Variants in SHQ1 observed in about 807,000 individuals in gnomAD.
SHQ1 encodes protein SHQ1 homolog.
In SHQ1, 49 loss-of-function variants were observed where a neutral mutation model predicts 53.8. The ratio of observed to expected loss-of-function variants is 0.91; its 90% confidence interval spans 0.72 to 1.16. The LOEUF is 1.16. Among genes scored for constraint, SHQ1 ranks in the 50% most tolerant of loss-of-function variants. The pLI is 0.00. For synonymous variants in SHQ1, 243 were observed against 251.0 expected, an observed-to-expected ratio of 0.97 and a Z score of 0.30; for missense variants, 738 against 683.1, an observed-to-expected ratio of 1.08 and a Z score of -0.90.
intron 10 of SHQ1, among the ~76,000 whole-genome samples, chr3:72,764,769 CATG>C (rs1705685739): frequency 6.6e-6 from 1 of 152,108 alleles, no homozygotes; most frequent in African/African-American, 2.4e-5. Context: ...ACATATGCAC[CATG>C]ATGTTTGGAA....
At chr3:72,824,281 C>A in intron 6 of SHQ1, 143 bp downstream of exon 6, 2 of 982,426 alleles carry the variant, frequency 2.0e-6, no homozygotes, top group Non-Finnish European at 1.4e-6. Flanking sequence ...GCAAAGAAGT[C>A]ATTTCCAAAA....
chr3:72,846,366 C>T (rs1346392078), intron 1 of SHQ1: 8 of 1,469,438 alleles, frequency 5.4e-6, no homozygotes, highest in Non-Finnish European at 7.3e-6. Context: ...GCAATCTTGG[C>T]TCACTGCAAC....
At chr3:72,762,582 A>AC (rs1705635495) in intron 10 of SHQ1, among the ~76,000 whole-genome samples, 1 of 152,168 alleles carries the variant, frequency 6.6e-6, no homozygotes, top group Non-Finnish European at 1.5e-5. Flanking sequence ...TGAATTGTGT[A>AC]CCTCGCAAGG....
chr3:72,801,569 T>C (rs1706789796), intron 9 of SHQ1, among the ~76,000 whole-genome samples: 2 of 152,092 alleles, frequency 1.3e-5, no homozygotes, highest in South Asian at 4.1e-4. Context: ...CACTGATGAA[T>C]TTATTTTGGT....
At chr3:72,791,660 A>AT (rs1187074246) in intron 10 of SHQ1, among the ~76,000 whole-genome samples, 1 of 152,070 alleles carries the variant, frequency 6.6e-6, no homozygotes, top group Non-Finnish European at 1.5e-5. Context: ...TGTAGCTATC[A>AT]TTTTCTATAG....
chr3:72,794,347 T>C (rs763530214), intron 9 of SHQ1: 5 of 152,330 alleles, frequency 3.3e-5, no homozygotes, highest in African/African-American at 4.8e-5. Context: ...TTCTGTTTTA[T>C]TTAGTGGTTA....
rs780712903 is a variant in SHQ1, at chr3:72,824,393, G to C, written c.727+31C>G. ...GTGGTACACCATGAGATTTTAAAAT[G>C]AAACAAATTAGCCGAATTTGAGTTT... On this transcript the variant is annotated intron_variant, in intron 6 of 10. Coordinates refer to ENST00000325599, the MANE Select transcript of SHQ1 (RefSeq NM_018130.3). 1.9e-6 allele frequency: 3 copies of C among 1,608,218 alleles called. No homozygotes were observed. In the Admixed American group the frequency reaches 5.1e-5, roughly 27 times the overall value.
the SHQ1 span, among the ~76,000 whole-genome samples, chr3:72,728,653 C>T: frequency 3.3e-5 from 5 of 152,196 alleles, no homozygotes; most frequent in Non-Finnish European, 5.9e-5. Flanking sequence ...ACTTCCTTGC[C>T]GTGTGACTTG....
intron 10 of SHQ1, among the ~76,000 whole-genome samples, chr3:72,757,587 A>G (rs1396463861): frequency 2.6e-5 from 4 of 152,276 alleles, no homozygotes; most frequent in South Asian, 2.1e-4. Flanking sequence ...CTGCACATCA[A>G]TGGTAGACTG....
intron 10 of SHQ1, among the ~76,000 whole-genome samples, chr3:72,751,508 G>GTGTGTGTGTATATATATATATATA (rs1210782182): frequency 8.5e-6 from 1 of 116,984 alleles, no homozygotes; most frequent in African/African-American, 4.4e-5. Context: ...GTGTGTGTGT[G>GTGTGTGTGTATATATATATATATA]TATATATATA....
chr3:72,728,474 G>GT, the SHQ1 span, among the ~76,000 whole-genome samples: 3 of 152,274 alleles, frequency 2.0e-5, no homozygotes, highest in East Asian at 5.8e-4. Flanking sequence ...CTTGGCTTTG[G>GT]ACAGAAACAG....
chr3:72,778,302 A>G (rs564280751), intron 10 of SHQ1, among the ~76,000 whole-genome samples: 1 of 152,228 alleles, frequency 6.6e-6, no homozygotes, highest in African/African-American at 2.4e-5. Flanking sequence ...TCTACAAAAA[A>G]TAAAAAATTA....
At chr3:72,764,542 C>G (rs1399405163) in intron 10 of SHQ1, among the ~76,000 whole-genome samples, 1 of 152,188 alleles carries the variant, frequency 6.6e-6, no homozygotes, top group Non-Finnish European at 1.5e-5. Flanking sequence ...ATGACAGCCC[C>G]TAGACTATCT....
chr3:72,846,426 G>A (rs1708330840), intron 1 of SHQ1: 2 of 888,176 alleles, frequency 2.3e-6, no homozygotes, highest in African/African-American at 1.7e-5. Context: ...TTCCCAAGTA[G>A]CTAGGACTAC....
At chr3:72,733,459 T>G in the SHQ1 span, among the ~76,000 whole-genome samples, 1 of 151,202 alleles carries the variant, frequency 6.6e-6, no homozygotes, top group Non-Finnish European at 1.5e-5. Context: ...TCTCATGAGG[T>G]TTACATTCTA....
At position 72,750,359 on chromosome 3, in the gene SHQ1, A is replaced by C; in HGVS notation, c.1659T>G (p.Ser553=). ...GEQLKTTVQV[S]EPKGTTAVNR... is the part of the protein sequence containing the mutation. ...TTACAGCAGTGGTGCCCTTGGGTTC[A>C]GAAACCTGAACTGTAGTCTTCAGTT... Residue 553 remains serine, a synonymous_variant, in exon 11 of 11, where the codon TCT becomes TCG. Transcript: ENST00000325599. The C allele has an allele frequency of 6.2e-7, 1 of 1,614,198 alleles. No individual in the cohort carries two copies. Among genetic ancestry groups the C allele is most frequent in the African/African-American group, 1.3e-5 (1 of 75,046 alleles).
chr3:72,819,159 T>C (rs2106881189), intron 6 of SHQ1, among the ~76,000 whole-genome samples: 1 of 152,286 alleles, frequency 6.6e-6, no homozygotes, highest in East Asian at 1.9e-4. Flanking sequence ...ACTAAAACAG[T>C]GACTTATCAT....
chr3:72,798,584 T>G (rs1706696412), intron 9 of SHQ1, among the ~76,000 whole-genome samples: 1 of 152,226 alleles, frequency 6.6e-6, no homozygotes, highest in Admixed American at 6.5e-5. Flanking sequence ...AACAATGTGA[T>G]TTCCTGTCTG....
intron 10 of SHQ1, among the ~76,000 whole-genome samples, chr3:72,776,838 T>C (rs1705966453): frequency 6.6e-6 from 1 of 152,108 alleles, no homozygotes; most frequent in Non-Finnish European, 1.5e-5. Flanking sequence ...ATTAAGAAAG[T>C]ATGGCACTCT....
Sources: gnomAD v4.1 joint callset for allele counts (sites outside exome capture counted in the v4.1 genomes callset) on GRCh38, gnomAD v4.1.1 for gene constraint, MANE v1.5 for transcripts, NCBI Gene and HGNC (gene_info 2026-07-23, HGNC 2026-07-21) for gene names.